WDR49: variants seen among roughly 807,000 people sequenced by gnomAD.
The protein encoded by WDR49 is WD repeat domain 49, also known as cilia- and flagella-associated protein 337.
A neutral mutation model predicts 119.5 loss-of-function variants in WDR49; 107 were observed. That is an observed-to-expected ratio of 0.90 (90% confidence interval 0.77 to 1.05). The LOEUF (loss-of-function observed/expected upper bound fraction) is 1.05, where lower values mean the gene tolerates loss of function less well. Ranked by LOEUF, WDR49 falls within the 50% of genes least tolerant of loss-of-function variation. The probability of loss-of-function intolerance (pLI) is 0.00; values close to 1 mark genes in which losing one functional copy is unlikely to be tolerated. For synonymous variants in WDR49, 425 were observed against 418.8 expected (o/e 1.01, Z -0.18); for missense variants, 1,240 against 1,220.5 (o/e 1.02, Z -0.24).
chr3:167,624,581 C>T (rs1032092618), intron 3 of WDR49, among the ~76,000 whole-genome samples: 12 of 151,932 alleles, frequency 7.9e-5, no homozygotes, highest in African/African-American at 2.9e-4. Context: ...TAAAATCTAT[C>T]AGCTTGGGAC....
intron 5 of WDR49, among the ~76,000 whole-genome samples, chr3:167,609,299 A>G (rs1450504699): frequency 6.6e-6 from 1 of 152,178 alleles, no homozygotes; most frequent in African/African-American, 2.4e-5. Context: ...AGAGATAGAA[A>G]AATAAAAAAA....
chr3:167,526,655 T>C (rs1752643904), intron 15 of WDR49, among the ~76,000 whole-genome samples: 1 of 152,166 alleles, frequency 6.6e-6, no homozygotes. Context: ...CTCCGGAGTG[T>C]TACATTGAGA....
In WDR49 at chr3:167,575,388, T is replaced by A. The variant is rs1280060025; in HGVS notation, c.1509+530A>T. 5.9e-5 allele frequency among the ~76,000 whole-genome samples: 9 copies of A among 152,174 alleles called. No individual in the cohort carries two copies. In the East Asian group the frequency reaches 1.7e-3, roughly 29 times the overall value. On this transcript the variant is annotated intron_variant, in intron 8 of 18. Transcript: ENST00000682715. ...CCAAGGCTGCGGAGCGTCATTAAAC[T>A]GGTGGGGAGACAAACAACACTTGTG...
intron 8 of WDR49, among the ~76,000 whole-genome samples, chr3:167,569,463 A>G (rs547165246): frequency 1.3e-5 from 2 of 152,050 alleles, no homozygotes; most frequent in East Asian, 3.9e-4. Context: ...ATTTTTTTAT[A>G]TTTCTGGGCA....
chr3:167,594,821 CCT>C (rs1250604140), intron 7 of WDR49, among the ~76,000 whole-genome samples: 1 of 149,370 alleles, frequency 6.7e-6, no homozygotes. Flanking sequence ...ACAGGGATGC[CCT>C]CTCTCACCAC....
At chr3:167,618,926 G>C (rs1198983785) in intron 5 of WDR49, among the ~76,000 whole-genome samples, 1 of 152,028 alleles carries the variant, frequency 6.6e-6, no homozygotes, top group Non-Finnish European at 1.5e-5. Flanking sequence ...TGATTTTTTG[G>C]GACCCTTAAA....
intron 7 of WDR49, among the ~76,000 whole-genome samples, chr3:167,587,570 C>A (rs575346945): frequency 2.0e-5 from 3 of 152,186 alleles, no homozygotes; most frequent in Non-Finnish European, 1.5e-5. Context: ...ACTGCAGCCT[C>A]AGCCTACCAG....
At chr3:167,596,905 G>T (rs144355852) in intron 7 of WDR49, among the ~76,000 whole-genome samples, 5 of 134,434 alleles carry the variant, frequency 3.7e-5, no homozygotes, top group South Asian at 2.3e-4. Context: ...AATAAATAAA[G>T]ATGTTTGCCA....
Position 167,621,523 on chromosome 3 carries a change from A to C in WDR49, c.727T>G (p.Tyr243Asp), listed in dbSNP as rs1285802465. Residue 243 changes from tyrosine to aspartate, a missense_variant, in exon 4 of 19, where the codon TAT becomes GAT. Transcript: ENST00000682715. ...GATTCATTGGCATCAAGAGGATCAT[A>C]CCAATAATCCATGCAAATTGGTGTT... is the stretch of plus-strand genomic sequence containing the variant. ...KGTPICMDYWYDPLDANESIL... is the reference protein window; with the variant it reads ...KGTPICMDYWDDPLDANESIL... 7.8e-6 allele frequency: 12 copies of C among 1,535,444 alleles called. No homozygotes were observed. The highest frequency in any genetic ancestry group is 2.0e-5 in the Admixed American group (1 of 50,940).
chr3:167,547,211 T>C (rs919349149), intron 10 of WDR49, among the ~76,000 whole-genome samples: 1 of 151,864 alleles, frequency 6.6e-6, no homozygotes, highest in African/African-American at 2.4e-5. Flanking sequence ...TGTAATATCT[T>C]GTGATATATA....
chr3:167,583,189 G>A (rs188430330), intron 7 of WDR49, among the ~76,000 whole-genome samples: 12 of 151,880 alleles, frequency 7.9e-5, no homozygotes, highest in South Asian at 2.1e-4. Flanking sequence ...TAAAAATGTC[G>A]TTTAACTTTC....
upstream of WDR49, among the ~76,000 whole-genome samples, chr3:167,654,493 T>C (rs79282134): frequency 0.013 from 2,040 of 152,326 alleles, 44 homozygotes; most frequent in East Asian, 0.099. Flanking sequence ...ATTAACATTT[T>C]TTGAGTATTA....
intron 8 of WDR49, among the ~76,000 whole-genome samples, chr3:167,564,866 T>C (rs760412284): frequency 5.9e-5 from 9 of 152,202 alleles, no homozygotes; most frequent in African/African-American, 9.7e-5. Flanking sequence ...CAGTAGGCAC[T>C]TTAGTTGTCT....
chr3:167,646,691 C>G (rs923718010), intron 2 of WDR49, among the ~76,000 whole-genome samples: 1 of 152,060 alleles, frequency 6.6e-6, no homozygotes, highest in African/African-American at 2.4e-5. Context: ...ACATCTGTAG[C>G]AAAACTAGTG....
intron 2 of WDR49, among the ~76,000 whole-genome samples, chr3:167,634,737 C>A (rs1717536407): frequency 6.6e-6 from 1 of 151,696 alleles, no homozygotes; most frequent in East Asian, 1.9e-4. Flanking sequence ...AGATCGTGTG[C>A]CATTGGCAAC....
intron 2 of WDR49, among the ~76,000 whole-genome samples, chr3:167,630,103 C>T (rs1452970647): frequency 1.3e-5 from 2 of 152,046 alleles, no homozygotes; most frequent in Non-Finnish European, 2.9e-5. Context: ...AAATAGATCT[C>T]ATGCTACAGA....
chr3:167,653,745 C>A (rs886708787), intron 1 of WDR49, 89 bp downstream of exon 1: 2 of 185,800 alleles, frequency 1.1e-5, no homozygotes, highest in African/African-American at 4.7e-5. Context: ...GCTTTCCCCA[C>A]ATTTATAGTA....
intron 7 of WDR49, among the ~76,000 whole-genome samples, chr3:167,587,877 A>G (rs1714899087): frequency 6.6e-6 from 1 of 152,194 alleles, no homozygotes; most frequent in Non-Finnish European, 1.5e-5. Flanking sequence ...TGATACAGAT[A>G]TACATTGCGT....
intron 15 of WDR49, among the ~76,000 whole-genome samples, chr3:167,525,722 C>T (rs564423196): frequency 5.9e-5 from 9 of 152,220 alleles, no homozygotes; most frequent in African/African-American, 1.9e-4. Flanking sequence ...CTCTTCACTC[C>T]TATTTCTCCA....
Sources: gnomAD v4.1 joint callset for allele counts (sites outside exome capture counted in the v4.1 genomes callset) on GRCh38, gnomAD v4.1.1 for gene constraint, MANE v1.5 for transcripts, NCBI Gene and HGNC (gene_info 2026-07-23, HGNC 2026-07-21) for gene names.